Variants in KPNA4 observed in about 807,000 individuals in gnomAD.
KPNA4 encodes the protein karyopherin subunit alpha 4, also known as importin subunit alpha-3.
In KPNA4, 13 loss-of-function variants were observed where a neutral mutation model predicts 71.3. The ratio of observed to expected loss-of-function variants is 0.18; its 90% confidence interval spans 0.12 to 0.29. KPNA4 has a LOEUF of 0.29. Ranked by LOEUF, KPNA4 falls within the 10% of genes least tolerant of loss-of-function variation. The pLI, the probability that KPNA4 is intolerant of heterozygous loss-of-function variation, is 1.00. For missense variants in KPNA4, 334 were observed against 603.2 expected, an observed-to-expected ratio of 0.55 and a Z score of 4.67; for synonymous variants, 189 against 195.2, an observed-to-expected ratio of 0.97 and a Z score of 0.26.
In KPNA4 at chr3:160,498,373, T is replaced by A. The variant is rs1056552327; in HGVS notation, c.*3731A>T. 1.3e-5 allele frequency: 2 copies of A among 152,188 alleles called. No homozygotes were observed. The highest frequency in any genetic ancestry group is 4.8e-5 in the African/African-American group (2 of 41,466). 9.4% of individuals were successfully genotyped at this position (152,188 alleles called of 1,614,324 possible). ...TGAGTCCTTGTCATAGGAAGAACTCTTAAGATGGCTCCCAAGATTCCCTGG... is the reference window on the plus strand; with the variant it reads ...TGAGTCCTTGTCATAGGAAGAACTCATAAGATGGCTCCCAAGATTCCCTGG... On this transcript the variant is annotated 3_prime_UTR_variant, in exon 17 of 17. Coordinates refer to ENST00000334256, the MANE Select transcript of KPNA4 (RefSeq NM_002268.5).
rs1324823911 is a variant in KPNA4, at chr3:160,535,666, C to T, written c.229G>A (p.Val77Ile). 6.3e-7 allele frequency: 1 copy of T among 1,586,586 alleles called. No individual in the cohort carries two copies. Among genetic ancestry groups the T allele is most frequent in the Non-Finnish European group, 8.5e-7 (1 of 1,171,776 alleles). ...AGGGAAAAAATCCAACTTACTTGAA[C>T]AATAGCTTCTAGAGAGGTATTTTGC... ...RVQNTSLEAI[V>I]QNASSDNQGI... The change falls in exon 4 of 17, where the codon GTT (valine) becomes ATT (isoleucine). Residue 77 changes from valine to isoleucine, a missense_variant. Physicochemically the swap from Val to Ile is conservative, Grantham distance 29 (BLOSUM62 3). Transcript: ENST00000334256.
chr3:160,509,687 C>T, intron 14 of KPNA4, 113 bp downstream of exon 14: 1 of 803,900 alleles, frequency 1.2e-6, no homozygotes, highest in East Asian at 2.6e-5. Flanking sequence ...CAGCCTTGGC[C>T]TCCCAGGGTG....
Position 160,536,494 on chromosome 3 carries a change from G to A in KPNA4, c.114+302C>T, listed in dbSNP as rs531476627. Reference sequence around the variant, plus strand: ...AATAGCAGAACTATTTAATACAACTGTATCTCAATGACTTATACTTTAAGT... The same window carrying A: ...AATAGCAGAACTATTTAATACAACTATATCTCAATGACTTATACTTTAAGT... On this transcript the variant is annotated intron_variant, in intron 2 of 16. Coordinates refer to ENST00000334256, the MANE Select transcript of KPNA4 (RefSeq NM_002268.5). 5.9e-5 allele frequency among the ~76,000 whole-genome samples: 9 copies of A among 152,136 alleles called. No homozygotes were observed. The East Asian group carries it at 1.7e-3, about 29-fold the overall frequency.
intron 1 of KPNA4, among the ~76,000 whole-genome samples, chr3:160,553,736 GA>G (rs547532584): frequency 6.6e-6 from 1 of 152,184 alleles, no homozygotes; most frequent in Non-Finnish European, 1.5e-5. Context: ...GGCAAATAAC[GA>G]AAGAGATGCA....
intron 10 of KPNA4, among the ~76,000 whole-genome samples, chr3:160,525,420 G>A (rs1407654976): frequency 6.6e-6 from 1 of 152,074 alleles, no homozygotes; most frequent in Admixed American, 6.5e-5. Context: ...CTGTCAAAAT[G>A]ACCTTCTGTA....
At chr3:160,549,272 C>G (rs1476488992) in intron 1 of KPNA4, among the ~76,000 whole-genome samples, 1 of 152,140 alleles carries the variant, frequency 6.6e-6, no homozygotes, top group Admixed American at 6.6e-5. Context: ...GGCTGCACAT[C>G]AACTTTTCAG....
In KPNA4 at chr3:160,502,346, G is replaced by T. The variant is rs533943909; in HGVS notation, c.1468-144C>A. 6.0e-5 allele frequency: 21 copies of T among 352,250 alleles called. No individual in the cohort carries two copies. The Admixed American group carries it at 7.4e-4, about 12-fold the overall frequency. The allele number at this position is 352,250 out of a possible 1,614,324, so 21.8% of individuals were successfully genotyped here. A position where few individuals can be genotyped will look rare whatever the true frequency, so the allele number is the denominator to read the frequency against. On this transcript the variant is annotated intron_variant, in intron 16 of 16. Transcript: ENST00000334256. ...CTGTCTTACCATCCTTTAGAAAATT[G>T]AAACAGTTTATAGAAGGTTTTTTTT...
intron 1 of KPNA4, among the ~76,000 whole-genome samples, chr3:160,538,108 A>T (rs1316609316): frequency 6.7e-6 from 1 of 150,058 alleles, no homozygotes; most frequent in African/African-American, 2.4e-5. Flanking sequence ...ACACACACAC[A>T]CTATATATAT....
intron 1 of KPNA4, among the ~76,000 whole-genome samples, chr3:160,549,718 T>A (rs1721999241): frequency 6.6e-6 from 1 of 152,228 alleles, no homozygotes; most frequent in East Asian, 1.9e-4. Context: ...CCAGGCTTGT[T>A]CTTTCTCAAG....
rs915664208 is a variant in KPNA4 at position 160,501,084 on chromosome 3, C to T, written c.*1020G>A. ...TACTATTATGGCAACTTGTGTACTG[C>T]AACACAGTCTATTTTGAGGGAAATT... On this transcript the variant is annotated 3_prime_UTR_variant, in exon 17 of 17. Coordinates refer to ENST00000334256, the MANE Select transcript of KPNA4 (RefSeq NM_002268.5). 6.6e-6 allele frequency: 1 copy of T among 152,228 alleles called. No individual in the cohort carries two copies. Among genetic ancestry groups the T allele is most frequent in the Non-Finnish European group, 1.5e-5 (1 of 67,990 alleles). 9.4% of individuals were successfully genotyped at this position (152,228 alleles called of 1,614,324 possible).
chr3:160,525,256 TA>T (rs765776345), intron 10 of KPNA4, among the ~76,000 whole-genome samples: 3 of 152,340 alleles, frequency 2.0e-5, no homozygotes, highest in African/African-American at 4.8e-5. Flanking sequence ...CCAGTCACTG[TA>T]ACTGAGAAAT....
At chr3:160,510,834 C>T (rs1325926185) in intron 13 of KPNA4, among the ~76,000 whole-genome samples, 1 of 151,886 alleles carries the variant, frequency 6.6e-6, no homozygotes, top group Admixed American at 6.6e-5. Context: ...GTTGCCTAGG[C>T]TGGAGTGCAG....
chr3:160,508,486 TAAAGG>T (rs1425447041), intron 14 of KPNA4, among the ~76,000 whole-genome samples: 5 of 152,246 alleles, frequency 3.3e-5, no homozygotes, highest in African/African-American at 7.2e-5. Context: ...AAAGTTAAAA[TAAAGG>T]AATCACTCAA....
chr3:160,527,808 T>C (rs1275654330), intron 8 of KPNA4, 145 bp downstream of exon 8: 3 of 531,044 alleles, frequency 5.6e-6, no homozygotes, highest in Non-Finnish European at 1.0e-5. Flanking sequence ...GCTTTTACAG[T>C]AATACAGTTC....
chr3:160,505,758 C>T lies in KPNA4; in HGVS notation c.1373-706G>A, dbSNP rs1720971985. On this transcript the variant is annotated intron_variant, in intron 15 of 16. Transcript: ENST00000334256. ...ATCTTAGGCTCACTTCTCACCTACA[C>T]ACTCATTCTGGTGATCTTCCCATTA... 2.6e-5 allele frequency among the ~76,000 whole-genome samples: 4 copies of T among 152,318 alleles called. 1 individual carries two copies. The South Asian group carries it at 8.3e-4, about 32-fold the overall frequency.
intron 1 of KPNA4, among the ~76,000 whole-genome samples, chr3:160,540,634 A>G (rs1721780487): frequency 1.3e-5 from 2 of 152,212 alleles, no homozygotes; most frequent in African/African-American, 4.8e-5. Context: ...GATATATAAG[A>G]CTTCTAAGCC....
chr3:160,505,116 A>C, intron 15 of KPNA4, 64 bp from the exon 16 acceptor site: 1 of 845,948 alleles, frequency 1.2e-6, no homozygotes, highest in Non-Finnish European at 1.7e-6. Flanking sequence ...AGTTAGAATA[A>C]TCTTTGGAAC....
chr3:160,505,280 A>G (rs907119842), intron 15 of KPNA4, among the ~76,000 whole-genome samples: 1 of 152,162 alleles, frequency 6.6e-6, no homozygotes, highest in Admixed American at 6.5e-5. Context: ...TAAATGTACA[A>G]ATAAGTGTAT....
chr3:160,506,724 A>G (rs963615578), intron 15 of KPNA4, among the ~76,000 whole-genome samples: 3 of 152,246 alleles, frequency 2.0e-5, no homozygotes, highest in South Asian at 2.1e-4. Flanking sequence ...AAAAAAATCA[A>G]GTAGTAAAAA....
Sources: gnomAD v4.1 joint callset for allele counts (sites outside exome capture counted in the v4.1 genomes callset) on GRCh38, gnomAD v4.1.1 for gene constraint, MANE v1.5 for transcripts, NCBI Gene and HGNC (gene_info 2026-07-23, HGNC 2026-07-21) for gene names.